Variants in ATP2B4 observed in about 807,000 individuals in gnomAD.
ATP2B4 encodes ATPase plasma membrane Ca2+ transporting 4.
ATP2B4 carries 39 observed loss-of-function variants against 110.3 expected under a neutral mutation model. That is an observed-to-expected ratio of 0.35 (90% CI 0.27 to 0.46). The LOEUF is 0.46. Ranked by LOEUF, ATP2B4 falls within the 20% of genes least tolerant of loss-of-function variation. The probability of loss-of-function intolerance (pLI) is 1.00; values close to 1 mark genes in which losing one functional copy is unlikely to be tolerated. For synonymous variants in ATP2B4, 538 were observed against 571.7 expected (o/e 0.94, Z 0.84); for missense variants, 1,135 against 1,530.9 (o/e 0.74, Z 4.32).
At chr1:203,726,925 G>T (rs926539461) in intron 19 of ATP2B4, among the ~76,000 whole-genome samples, 1 of 152,180 alleles carries the variant, frequency 6.6e-6, no homozygotes, top group South Asian at 2.1e-4. Flanking sequence ...TAAGAAAGGG[G>T]TCATTCATTT....
At position 203,739,595 on chromosome 1, in the gene ATP2B4, A is replaced by G; in HGVS notation, c.3359A>G (p.Lys1120Arg). The G allele has an allele frequency of 6.2e-7, 1 of 1,614,142 alleles. No individual in the cohort carries two copies. Among genetic ancestry groups the G allele is most frequent in the Non-Finnish European group, 8.5e-7 (1 of 1,180,028 alleles). Reference protein sequence around the residue: ...FHSSLHESIQKPYNQKSIHSF... With the variant: ...FHSSLHESIQRPYNQKSIHSF... ...AGTTCCCTCCACGAAAGCATTCAGA[A>G]ACCCTACAACCAAAAGTCCATCCAC... The change falls in exon 21 of 21, where the codon AAA (lysine) becomes AGA (arginine). Residue 1120 changes from lysine (K) to arginine (R), a missense_variant. Coordinates refer to ENST00000357681, the MANE Select transcript of ATP2B4 (RefSeq NM_001684.5).
intron 13 of ATP2B4, 44 bp from the exon 14 acceptor site, chr1:203,713,121 C>T (rs1666060177): frequency 1.2e-6 from 2 of 1,606,768 alleles, no homozygotes; most frequent in African/African-American, 1.3e-5. Context: ...TCCTGGATAG[C>T]TTTTCTGCAT....
chr1:203,663,384 G>A (rs987885687), intron 1 of ATP2B4, among the ~76,000 whole-genome samples: 1 of 151,858 alleles, frequency 6.6e-6, no homozygotes, highest in Non-Finnish European at 1.5e-5. Context: ...GAGGTGTACC[G>A]CCTCCATCTA....
chr1:203,655,703 G>C (rs1405187757), intron 1 of ATP2B4, among the ~76,000 whole-genome samples: 1 of 151,896 alleles, frequency 6.6e-6, no homozygotes, highest in Non-Finnish European at 1.5e-5. Flanking sequence ...AGGAAAAAAT[G>C]CTGTCAAATA....
intron 1 of ATP2B4, among the ~76,000 whole-genome samples, chr1:203,633,889 A>G (rs1663355227): frequency 6.6e-6 from 1 of 152,048 alleles, no homozygotes; most frequent in Non-Finnish European, 1.5e-5. Flanking sequence ...CGTCTCTACT[A>G]AAAATACAAA....
intron 2 of ATP2B4, among the ~76,000 whole-genome samples, chr1:203,697,112 G>T (rs1665555789): frequency 6.6e-6 from 1 of 152,168 alleles, no homozygotes; most frequent in African/African-American, 2.4e-5. Context: ...TCTCAGTGGT[G>T]TGTGTTTGTG....
rs1055532777 is a variant in ATP2B4 at position 203,717,664 on chromosome 1, C to T, written c.2407-2885C>T. 1.7e-4 allele frequency among the ~76,000 whole-genome samples: 12 copies of T among 68,702 alleles called. No homozygotes were observed. The East Asian group carries it at 2.1e-3, about 12-fold the overall frequency. The allele number at this position is 68,702 out of a possible 152,430, so 45.1% of individuals were successfully genotyped here. On this transcript the variant is annotated intron_variant, in intron 15 of 20. Coordinates refer to ENST00000357681, the MANE Select transcript of ATP2B4 (RefSeq NM_001684.5). ...TTTATTTATTTATTTATTTATGAGA[C>T]GGGGCCTTGCTCTGTCACCCAGGCT...
In ATP2B4 at chr1:203,709,412, G is replaced by T. The variant is rs1388576925; in HGVS notation, c.1669G>T (p.Val557Leu). 3 of 1,614,114 alleles carry T rather than the reference G, an allele frequency of 1.9e-6. No individual in the cohort carries two copies. Among genetic ancestry groups the T allele is most frequent in the African/African-American group, 2.7e-5 (2 of 74,944 alleles). Reference protein sequence around the residue: ...KQDYQAVRNEVPEEKLYKVYT... With the variant: ...KQDYQAVRNELPEEKLYKVYT... The stretch of plus-strand genomic sequence containing the variant: ...GGATTATCAGGCTGTGCGTAATGAA[G>T]TGCCCGAGGAGAAGCTCTACAAGGT... The change falls in exon 11 of 21, where the codon GTG (valine) becomes TTG (leucine). Residue 557 changes from valine (V) to leucine (L), a missense_variant. Val to Leu is a conservative substitution (Grantham distance 32). This residue lies in a region of ATP2B4 where 368 missense variants were observed against 455.9 expected (regional missense o/e 0.81). Coordinates refer to ENST00000357681, the MANE Select transcript of ATP2B4 (RefSeq NM_001684.5).
At chr1:203,724,414 G>T (rs1324321274) in intron 19 of ATP2B4, among the ~76,000 whole-genome samples, 1 of 152,104 alleles carries the variant, frequency 6.6e-6, no homozygotes, top group East Asian at 1.9e-4. Context: ...CTACTCGGGA[G>T]GCTGAGGCAG....
Position 203,699,554 on chromosome 1 carries a change from G to C in ATP2B4, c.486G>C (p.Val162=), listed in dbSNP as rs371255230. Reference sequence around the variant, plus strand: ...CCATCCTTTTCTCAGTGATCATCGTGGTGTTAGTGACTGCCTTTAATGATT... The same window carrying C: ...CCATCCTTTTCTCAGTGATCATCGTCGTGTTAGTGACTGCCTTTAATGATT... ...GAAILFSVII[V]VLVTAFNDWS... The change falls in exon 4 of 21, where the codon GTG becomes GTC. Residue 162 remains valine, a synonymous_variant. Coordinates refer to ENST00000357681, the MANE Select transcript of ATP2B4 (RefSeq NM_001684.5). 12 of 1,614,042 alleles carry C rather than the reference G, an allele frequency of 7.4e-6. No homozygotes were observed. The highest frequency in any genetic ancestry group is 1.3e-5 in the African/African-American group (1 of 74,884).
chr1:203,629,067 G>C lies in ATP2B4; in HGVS notation c.-465+1848G>C, dbSNP rs926755292. Among the ~76,000 whole-genome samples, 1 of 152,134 alleles carries C rather than the reference G, an allele frequency of 6.6e-6. No homozygotes were observed. The highest frequency in any genetic ancestry group is 2.4e-5 in the African/African-American group (1 of 41,412). ...CTACAGCTGAGACACTGCGGGAGAAGGAAGTAAAACACTTAGAGGAGAGCT... is the reference window on the plus strand; with the variant it reads ...CTACAGCTGAGACACTGCGGGAGAACGAAGTAAAACACTTAGAGGAGAGCT... On this transcript the variant is annotated intron_variant, in intron 1 of 20. Coordinates refer to ENST00000357681, the MANE Select transcript of ATP2B4 (RefSeq NM_001684.5). The surrounding 1 kb of genome is among the most constrained non-coding windows in gnomAD (Gnocchi z 4.6).
chr1:203,728,485 G>A lies in ATP2B4; in HGVS notation c.3309+914G>A, dbSNP rs894869644. ...CAAGGGTGGTCTCCAGAAAACAGGC[G>A]TATTTCTCTCTGCTGATTGGCTAGA... On this transcript the variant is annotated intron_variant, in intron 20 of 20. Transcript: ENST00000357681. Among the ~76,000 whole-genome samples, 4 of 152,100 alleles carry A rather than the reference G, an allele frequency of 2.6e-5. No individual in the cohort carries two copies. The East Asian group carries it at 5.8e-4, about 22-fold the overall frequency.
At position 203,647,256 on chromosome 1, in the gene ATP2B4, C is replaced by G. The variant is rs572953893; in HGVS notation, c.-465+20037C>G. On this transcript the variant is annotated intron_variant, in intron 1 of 20. Transcript: ENST00000357681. ...CCAGTCTGGGCAACTTAGTGAGACT[C>G]CGTCACTTAAAAAAATAAAAAATAA... Among the ~76,000 whole-genome samples, 8 of 151,734 alleles carry G rather than the reference C, an allele frequency of 5.3e-5. No individual in the cohort carries two copies. In the South Asian group the frequency reaches 1.7e-3, roughly 32 times the overall value.
chr1:203,702,871 T>C (rs1223675295), intron 7 of ATP2B4, among the ~76,000 whole-genome samples: 1 of 152,234 alleles, frequency 6.6e-6, no homozygotes, highest in Non-Finnish European at 1.5e-5. Context: ...AGTCATCACA[T>C]TGGAAAACCA....
At chr1:203,708,401 ATC>A (rs2102397193) in intron 10 of ATP2B4, among the ~76,000 whole-genome samples, 1 of 152,342 alleles carries the variant, frequency 6.6e-6, no homozygotes, top group Non-Finnish European at 1.5e-5. Flanking sequence ...AATTGGGCTT[ATC>A]AGAAGTAAAT....
chr1:203,661,760 C>T (rs1187684860), intron 1 of ATP2B4, among the ~76,000 whole-genome samples: 2 of 152,026 alleles, frequency 1.3e-5, no homozygotes, highest in Non-Finnish European at 1.5e-5. Flanking sequence ...TGATGTTGTG[C>T]CAGGCTCTGT....
chr1:203,680,391 C>T (rs1664968283), intron 1 of ATP2B4, among the ~76,000 whole-genome samples: 1 of 152,086 alleles, frequency 6.6e-6, no homozygotes, highest in Admixed American at 6.6e-5. Context: ...GTGCGGATCA[C>T]GAGGTCAGGA....
In ATP2B4 at chr1:203,654,128, C is replaced by T. The variant is rs182683250; in HGVS notation, c.-465+26909C>T. The stretch of plus-strand genomic sequence containing the variant: ...CCTCCCGAGTAGCTGGGATTACAGG[C>T]GCATGCCCCCATGCCTGGCTAATTT... On this transcript the variant is annotated intron_variant, in intron 1 of 20. Coordinates refer to ENST00000357681, the MANE Select transcript of ATP2B4 (RefSeq NM_001684.5). Among the ~76,000 whole-genome samples the T allele has an allele frequency of 3.6e-3, 541 of 151,782 alleles. 4 individuals carry two copies. The highest frequency in any genetic ancestry group is 0.012 in the Admixed American group (186 of 15,230).
intron 17 of ATP2B4, among the ~76,000 whole-genome samples, chr1:203,721,785 C>T (rs1472737983): frequency 6.6e-6 from 1 of 151,556 alleles, no homozygotes; most frequent in Non-Finnish European, 1.5e-5. Context: ...GCGTCAGCCT[C>T]CCAAATAGCT....
Sources: allele counts gnomAD v4.1 joint callset (sites outside exome capture counted in the v4.1 genomes callset), GRCh38; gene constraint gnomAD v4.1.1; regional missense constraint gnomAD v4.1.1; non-coding constraint Gnocchi (gnomAD v3.1); transcripts MANE v1.5; gene names NCBI Gene and HGNC (gene_info 2026-07-23, HGNC 2026-07-21).